Variants in SPTBN1 observed in about 807,000 individuals in gnomAD.
SPTBN1 encodes spectrin beta chain, non-erythrocytic 1.
In SPTBN1, 32 loss-of-function variants were observed where a neutral mutation model predicts 266.4. That is an observed-to-expected ratio of 0.12 (90% CI 0.09 to 0.16). The LOEUF (loss-of-function observed/expected upper bound fraction) is 0.16. SPTBN1 is among the 10% of genes least tolerant of loss of function. SPTBN1 has a pLI of 1.00. For synonymous variants in SPTBN1, 1,336 were observed against 1,162.2 expected (o/e 1.15, Z -3.04); for missense variants, 2,296 against 3,067.1 (o/e 0.75, Z 5.94).
At chr2:54,541,202 A>T (rs183711219) in intron 2 of SPTBN1, among the ~76,000 whole-genome samples, 3 of 152,306 alleles carry the variant, frequency 2.0e-5, no homozygotes, top group East Asian at 3.9e-4. Flanking sequence ...GACCAAATCT[A>T]TTAGCCCCAT....
chr2:54,644,005 A>G (rs949008789), intron 19 of SPTBN1, among the ~76,000 whole-genome samples: 1 of 151,836 alleles, frequency 6.6e-6, no homozygotes, highest in African/African-American at 2.4e-5. Flanking sequence ...AATAATAATA[A>G]TAATAATGTG....
rs1676473031 is a variant in SPTBN1, at chr2:54,601,153, T to C, written c.300+1910T>C. ...GAAGAAGATGGTACAGTGGCTACCA[T>C]CTCCAACCTCTTAGGCAGTCGATAT... On this transcript the variant is annotated intron_variant, in intron 3 of 35. Transcript: ENST00000356805. 1.3e-5 allele frequency among the ~76,000 whole-genome samples: 2 copies of C among 152,174 alleles called. 1 individual carries two copies. The highest frequency in any genetic ancestry group is 4.2e-4 in the South Asian group (2 of 4,818).
At position 54,655,709 on chromosome 2, in the gene SPTBN1, C is replaced by T. The variant is rs532268835; in HGVS notation, c.5962-205C>T. Among the ~76,000 whole-genome samples, 43 of 152,360 alleles carry T rather than the reference C, an allele frequency of 2.8e-4. No homozygotes were observed. In the South Asian group the frequency reaches 8.1e-3, roughly 29 times the overall value. On this transcript the variant is annotated intron_variant, in intron 28 of 35. Transcript: ENST00000356805. ...CAAAACAGCTTTGGCAGGGCTTCCG[C>T]GCCTTCCTCCAGCCCCTTCTGGAAG... is the stretch of plus-strand genomic sequence containing the variant.
At chr2:54,535,261 A>G (rs1401289506) in intron 2 of SPTBN1, 1 of 152,188 alleles carries the variant, frequency 6.6e-6, no homozygotes, top group East Asian at 1.9e-4. Flanking sequence ...CAATTTACAT[A>G]CCATAAAATA....
At chr2:54,602,733 A>ATG (rs924619774) in intron 3 of SPTBN1, among the ~76,000 whole-genome samples, 3 of 152,080 alleles carry the variant, frequency 2.0e-5, no homozygotes, top group Non-Finnish European at 2.9e-5. Flanking sequence ...GTGTGCGTGC[A>ATG]TGTGTGTGTG....
chr2:54,626,453 G>T lies in SPTBN1; in HGVS notation c.1644+219G>T, dbSNP rs143276214. Among the ~76,000 whole-genome samples the T allele has an allele frequency of 6.6e-6, 1 of 152,350 alleles. No individual in the cohort carries two copies. Among genetic ancestry groups the T allele is most frequent in the East Asian group, 1.9e-4 (1 of 5,190 alleles). On this transcript the variant is annotated intron_variant, in intron 12 of 35. Coordinates refer to ENST00000356805, the MANE Select transcript of SPTBN1 (RefSeq NM_003128.3). The surrounding 1 kb of genome is among the most constrained non-coding windows in gnomAD (Gnocchi z 4.7). ...GTTGTAGAGACCAGTTCAGTAGCCA[G>T]AGCTCTGTTTCTGTGACTTAGATAT... is the stretch of plus-strand genomic sequence containing the variant.
At chr2:54,557,677 T>C in intron 2 of SPTBN1, 2 of 969,052 alleles carry the variant, frequency 2.1e-6, no homozygotes, top group Non-Finnish European at 2.5e-6. Context: ...CCTGTGTACC[T>C]TTTTCCCACA....
chr2:54,602,681 T>C (rs768711851), intron 3 of SPTBN1, among the ~76,000 whole-genome samples: 25 of 152,204 alleles, frequency 1.6e-4, no homozygotes, highest in Non-Finnish European at 2.6e-4. Context: ...GTCTTCTTAC[T>C]CCATCAGTCA....
At chr2:54,523,164 G>A (rs903090010) in intron 1 of SPTBN1, among the ~76,000 whole-genome samples, 2 of 152,170 alleles carry the variant, frequency 1.3e-5, no homozygotes, top group Non-Finnish European at 2.9e-5. Context: ...GACTTTGAAT[G>A]TTAAATGCCA....
chr2:54,543,592 G>GT (rs754471763), intron 2 of SPTBN1, among the ~76,000 whole-genome samples: 136 of 148,094 alleles, frequency 9.2e-4, no homozygotes, highest in Non-Finnish European at 1.5e-3. Flanking sequence ...AAAAATACTT[G>GT]TTTTTTTTTT....
rs77909713 is a variant in SPTBN1, at chr2:54,484,466, C to T, written c.-48+27948C>T. 8.6e-4 allele frequency among the ~76,000 whole-genome samples: 131 copies of T among 152,254 alleles called. 2 individuals carry two copies. The East Asian group carries it at 0.023, about 27-fold the overall frequency. On this transcript the variant is annotated intron_variant, in intron 1 of 35. Coordinates refer to ENST00000356805, the MANE Select transcript of SPTBN1 (RefSeq NM_003128.3). ...TTTATTTTGCCATTTTCTATATTCT[C>T]TTTCCTCAAGCTCAGAGAGCAAGGT...
Position 54,666,021 on chromosome 2 carries a change from A to G in SPTBN1, c.6766A>G (p.Ser2256Gly). 1.2e-6 allele frequency: 2 copies of G among 1,614,058 alleles called. No individual in the cohort carries two copies. The highest frequency in any genetic ancestry group is 1.7e-6 in the Non-Finnish European group (2 of 1,179,978). Reference protein sequence around the residue: ...GIPYHSEVPVSLKEAVCEVAL... With the variant: ...GIPYHSEVPVGLKEAVCEVAL... ...TCCCTACCACAGCGAGGTCCCTGTG[A>G]GTTTGAAAGAAGCTGTCTGCGAAGT... The change falls in exon 34 of 36, where the codon AGT becomes GGT. Residue 2256 changes from serine to glycine, a missense_variant. Coordinates refer to ENST00000356805, the MANE Select transcript of SPTBN1 (RefSeq NM_003128.3).
At position 54,645,847 on chromosome 2, in the gene SPTBN1, C is replaced by T. The variant is rs1321658550; in HGVS notation, c.4495-81C>T. The T allele has an allele frequency of 6.7e-7, 1 of 1,481,622 alleles. No homozygotes were observed. The highest frequency in any genetic ancestry group is 9.4e-7 in the Non-Finnish European group (1 of 1,066,866). 91.8% of individuals were successfully genotyped at this position (1,481,622 alleles called of 1,614,324 possible). A position where few individuals can be genotyped will look rare whatever the true frequency, so the allele number is the denominator to read the frequency against. The stretch of plus-strand genomic sequence containing the variant: ...TCTCTGAAGCTCACCCTTGCTGTCC[C>T]TCACTGCCCCTCACTGCTCGTTTGT... On this transcript the variant is annotated intron_variant, in intron 21 of 35. Coordinates refer to ENST00000356805, the MANE Select transcript of SPTBN1 (RefSeq NM_003128.3). The surrounding 1 kb of genome is among the most constrained non-coding windows in gnomAD (Gnocchi z 4.3).
At chr2:54,587,504 A>G (rs1012787890) in intron 2 of SPTBN1, among the ~76,000 whole-genome samples, 1 of 152,190 alleles carries the variant, frequency 6.6e-6, no homozygotes, top group Non-Finnish European at 1.5e-5. Context: ...TATGGTATCT[A>G]TTTAGTTCTA....
intron 4 of SPTBN1, among the ~76,000 whole-genome samples, chr2:54,613,383 G>C (rs561377132): frequency 1.3e-4 from 20 of 152,172 alleles, no homozygotes; most frequent in Non-Finnish European, 2.4e-4. Context: ...AACTTGCTTT[G>C]TTTTCTTATT....
At position 54,646,446 on chromosome 2, in the gene SPTBN1, C is replaced by T; in HGVS notation, c.4837C>T (p.Leu1613=). ...CGAAGCCTGGATGAGCGAGCAGGAG[C>T]TGTACATGATGTCAGAGGAGAAGGC... ...EAEAWMSEQE[L]YMMSEEKAKD... is the part of the protein sequence containing the mutation. The change falls in exon 23 of 36, where the codon CTG becomes TTG. Residue 1613 remains leucine (L), a synonymous_variant. Coordinates refer to ENST00000356805, the MANE Select transcript of SPTBN1 (RefSeq NM_003128.3). This position sits in a 1 kb window ranked among gnomAD's most constrained non-coding sequence, Gnocchi z 4.4. 6.4e-7 allele frequency: 1 copy of T among 1,570,784 alleles called. No homozygotes were observed. Among genetic ancestry groups the T allele is most frequent in the Non-Finnish European group, 8.6e-7 (1 of 1,159,010 alleles).
At chr2:54,576,808 C>T (rs1010608245) in intron 2 of SPTBN1, among the ~76,000 whole-genome samples, 5 of 152,178 alleles carry the variant, frequency 3.3e-5, no homozygotes, top group African/African-American at 4.8e-5. Flanking sequence ...GGGACAGCCA[C>T]GGTCTCAAAT....
At chr2:54,611,868 C>T (rs988760623) in intron 3 of SPTBN1, among the ~76,000 whole-genome samples, 1 of 152,188 alleles carries the variant, frequency 6.6e-6, no homozygotes, top group Non-Finnish European at 1.5e-5. Context: ...TGAAATTCTC[C>T]ATGAAAATTG....
rs769095553 is a variant in SPTBN1 at position 54,649,952 on chromosome 2, C to G, written c.5540C>G (p.Thr1847Ser). 1.3e-5 allele frequency: 21 copies of G among 1,613,222 alleles called. No homozygotes were observed. The highest frequency in any genetic ancestry group is 1.7e-5 in the Admixed American group (1 of 59,998). The change falls in exon 26 of 36, where the codon ACT (threonine) becomes AGT (serine). Residue 1847 changes from threonine (T) to serine (S), a missense_variant. Around this residue, in one of 12 missense-constraint regions of SPTBN1, gnomAD observed 644 missense variants for 745.3 expected, o/e 0.86. Coordinates refer to ENST00000356805, the MANE Select transcript of SPTBN1 (RefSeq NM_003128.3). This position sits in a 1 kb window ranked among gnomAD's most constrained non-coding sequence, Gnocchi z 6.7. ...NTVETLQRMH[T>S]TFEHDIQALG... is the part of the protein sequence containing the mutation. ...GTGGAGACCTTACAGAGAATGCACACTACATTTGAGCATGACATCCAGGCT... is the reference window on the plus strand; with the variant it reads ...GTGGAGACCTTACAGAGAATGCACAGTACATTTGAGCATGACATCCAGGCT...
Sources: gnomAD v4.1 joint callset for allele counts (sites outside exome capture counted in the v4.1 genomes callset) on GRCh38, gnomAD v4.1.1 for gene constraint, gnomAD v4.1.1 regional missense constraint, Gnocchi (gnomAD v3.1) non-coding constraint, MANE v1.5 for transcripts, NCBI Gene and HGNC (gene_info 2026-07-23, HGNC 2026-07-21) for gene names.